MEI1: variants seen among roughly 807,000 people sequenced by gnomAD.
MEI1 encodes meiotic double-stranded break formation protein 1, also known as meiosis inhibitor protein 1.
In MEI1, 103 loss-of-function variants were observed where a neutral mutation model predicts 146.2. The ratio of observed to expected loss-of-function variants is 0.70; its 90% CI spans 0.60 to 0.83. MEI1 has a LOEUF of 0.83. MEI1 is among the 40% of genes least tolerant of loss of function. The probability of loss-of-function intolerance (pLI) is 0.00; values close to 1 mark genes in which losing one functional copy is unlikely to be tolerated. For missense variants in MEI1, 1,529 were observed against 1,533.0 expected (o/e 1.00, Z 0.04); for synonymous variants, 652 against 628.2 (o/e 1.04, Z -0.57).
chr22:41,780,717 A>T (rs1035225303), intron 22 of MEI1, among the ~76,000 whole-genome samples: 36 of 151,672 alleles, frequency 2.4e-4, no homozygotes, highest in African/African-American at 8.5e-4. Flanking sequence ...AGTAGCTGGG[A>T]CTACCAGTGT....
At chr22:41,757,003 T>C (rs1228705565) in intron 17 of MEI1, among the ~76,000 whole-genome samples, 3 of 152,252 alleles carry the variant, frequency 2.0e-5, no homozygotes, top group African/African-American at 7.2e-5. Context: ...TGGCATGTCT[T>C]CTCATGCCTT....
chr22:41,738,270 T>C lies in MEI1; in HGVS notation c.1332-4810T>C, dbSNP rs558697539. Among the ~76,000 whole-genome samples the C allele has an allele frequency of 1.9e-3, 295 of 151,968 alleles. 1 individual carries two copies. Among genetic ancestry groups the C allele is most frequent in the Non-Finnish European group, 3.6e-3 (244 of 67,952 alleles). On this transcript the variant is annotated intron_variant, in intron 11 of 30. Coordinates refer to ENST00000401548, the MANE Select transcript of MEI1 (RefSeq NM_152513.4). ...GAGATTGAGACCATCCTGGCCAACA[T>C]GGTGAAACCCCATCTTTACTAAAAA... is the stretch of plus-strand genomic sequence containing the variant.
intron 19 of MEI1, 26 bp downstream of exon 19, chr22:41,763,347 T>C: frequency 5.6e-6 from 9 of 1,611,422 alleles, no homozygotes; most frequent in Non-Finnish European, 5.9e-6. Flanking sequence ...CCTGGGCTCC[T>C]TGTCCTTCTG....
chr22:41,756,054 G>A (rs925509361), intron 17 of MEI1, among the ~76,000 whole-genome samples: 1 of 152,294 alleles, frequency 6.6e-6, no homozygotes, highest in Non-Finnish European at 1.5e-5. Flanking sequence ...TCAGTCTGTG[G>A]AGTAGTGTCA....
intron 12 of MEI1, among the ~76,000 whole-genome samples, chr22:41,744,480 ATTTTTTTTTTTTT>A (rs771456925): frequency 2.3e-4 from 2 of 8,586 alleles, no homozygotes; most frequent in Admixed American, 1.7e-3. Context: ...CTTTGCTATG[ATTTTTTTTTTTTT>A]TTTTTTTTTT....
chr22:41,715,818 T>G (rs1029812509), intron 4 of MEI1, among the ~76,000 whole-genome samples: 5 of 152,138 alleles, frequency 3.3e-5, no homozygotes, highest in Admixed American at 2.0e-4. Flanking sequence ...TTAACAAACA[T>G]GCACTGAGCT....
At chr22:41,788,416 G>A (rs1262276350) in intron 26 of MEI1, among the ~76,000 whole-genome samples, 3 of 151,578 alleles carry the variant, frequency 2.0e-5, no homozygotes, top group Non-Finnish European at 4.4e-5. Flanking sequence ...AAACACTAGG[G>A]TGGGGTGCCA....
chr22:41,760,121 A>G (rs553837503), intron 18 of MEI1, among the ~76,000 whole-genome samples: 1 of 152,074 alleles, frequency 6.6e-6, no homozygotes, highest in South Asian at 2.1e-4. Flanking sequence ...CATCATGGCT[A>G]ACACGGTGAA....
intron 3 of MEI1, among the ~76,000 whole-genome samples, chr22:41,707,989 T>C (rs1436631818): frequency 6.6e-6 from 1 of 152,224 alleles, no homozygotes; most frequent in Non-Finnish European, 1.5e-5. Context: ...TGAACTCCCA[T>C]AGAACAAAAA....
chr22:41,745,177 G>T, intron 13 of MEI1, 113 bp downstream of exon 13: 1 of 756,884 alleles, frequency 1.3e-6, no homozygotes, highest in Non-Finnish European at 2.0e-6. Context: ...TCTGCTGTAT[G>T]GCAAAGAGGA....
At chr22:41,726,204 G>A (rs2071340967) in intron 7 of MEI1, among the ~76,000 whole-genome samples, 2 of 152,030 alleles carry the variant, frequency 1.3e-5, no homozygotes, top group African/African-American at 4.8e-5. Context: ...AGCAAGAAAA[G>A]TTTGTCCTGA....
At chr22:41,785,992 G>T (rs1339580665) in intron 26 of MEI1, among the ~76,000 whole-genome samples, 2 of 134,464 alleles carry the variant, frequency 1.5e-5, no homozygotes, top group African/African-American at 5.5e-5. Flanking sequence ...CTCACTGCAA[G>T]CTCCGCCTCC....
At chr22:41,733,025 C>A (rs1452118060) in intron 11 of MEI1, among the ~76,000 whole-genome samples, 2 of 152,036 alleles carry the variant, frequency 1.3e-5, no homozygotes, top group East Asian at 3.9e-4. Flanking sequence ...AGGTGATTCA[C>A]CTGTCTCAAC....
chr22:41,787,640 G>T (rs1198086339), intron 26 of MEI1, among the ~76,000 whole-genome samples: 1 of 152,106 alleles, frequency 6.6e-6, no homozygotes, highest in Non-Finnish European at 1.5e-5. Flanking sequence ...GGCCAGTTAG[G>T]GAAATGCTTT....
At chr22:41,769,645 TA>T (rs2075056926) in intron 19 of MEI1, among the ~76,000 whole-genome samples, 2 of 151,572 alleles carry the variant, frequency 1.3e-5, no homozygotes, top group African/African-American at 4.8e-5. Context: ...GCAAATTTTT[TA>T]TTTTTAGTAG....
At chr22:41,772,469 G>A (rs1024481940) in intron 20 of MEI1, among the ~76,000 whole-genome samples, 10 of 152,120 alleles carry the variant, frequency 6.6e-5, no homozygotes, top group Admixed American at 1.3e-4. Context: ...CTACAAGCAT[G>A]TGCTACTGTG....
rs557325166 is a variant in MEI1 at position 41,795,183 on chromosome 22, C to A, written c.3535-228C>A. On this transcript the variant is annotated intron_variant, in intron 28 of 30. Coordinates refer to ENST00000401548, the MANE Select transcript of MEI1 (RefSeq NM_152513.4). This position sits in a 1 kb window ranked among gnomAD's most constrained non-coding sequence, Gnocchi z 4.2. ...AAGGTTGGGTAGGAGGGAGCCAAGG[C>A]CAAAGGGGTCAGGAGGGCCAGCTCT... 1.3e-5 allele frequency among the ~76,000 whole-genome samples: 2 copies of A among 152,216 alleles called. No individual in the cohort carries two copies. The highest frequency in any genetic ancestry group is 3.9e-4 in the East Asian group (2 of 5,164).
At chr22:41,700,450 C>G (rs1227891438) in intron 1 of MEI1, among the ~76,000 whole-genome samples, 1 of 152,240 alleles carries the variant, frequency 6.6e-6, no homozygotes, top group Non-Finnish European at 1.5e-5. Context: ...CCTGCCTCAA[C>G]CTACCCAGTA....
intron 19 of MEI1, 47 bp from the exon 20 acceptor site, chr22:41,770,639 G>T: frequency 6.4e-7 from 1 of 1,566,638 alleles, no homozygotes; most frequent in Non-Finnish European, 8.7e-7. Flanking sequence ...GGGTCTCTTG[G>T]GTCCTCTGCA....
Sources: gnomAD v4.1 joint callset for allele counts (sites outside exome capture counted in the v4.1 genomes callset) on GRCh38, gnomAD v4.1.1 for gene constraint, Gnocchi (gnomAD v3.1) non-coding constraint, MANE v1.5 for transcripts, NCBI Gene and HGNC (gene_info 2026-07-23, HGNC 2026-07-21) for gene names.